The following ZMYND15 variants were observed in gnomAD, a reference collection of about 807,000 sequenced individuals.
ZMYND15 encodes zinc finger MYND domain-containing protein 15.
Under a neutral mutation model 81.7 loss-of-function variants are expected in ZMYND15, and 54 were observed. The ratio of observed to expected loss-of-function variants is 0.66; its 90% CI spans 0.53 to 0.83. The LOEUF is 0.83. ZMYND15 is among the 40% of genes least tolerant of loss of function. The pLI is 0.00. For synonymous variants in ZMYND15, 399 were observed against 387.0 expected (o/e 1.03, Z -0.36); for missense variants, 925 against 973.5 (o/e 0.95, Z 0.66).
At position 4,744,931 on chromosome 17, in the gene ZMYND15, G is replaced by A. The variant is rs375671517; in HGVS notation, c.1896+3G>A. The A allele has an allele frequency of 3.1e-6, 5 of 1,613,952 alleles. No individual in the cohort carries two copies. In the South Asian group the frequency reaches 3.3e-5, roughly 11 times the overall value. ...TGAGGTCTCTGCCCCGGTTACAGGT[G>A]GGCAATGGGGGCAAAAGGGAACTTC... is the stretch of plus-strand genomic sequence containing the variant. On this transcript the variant is annotated splice_donor_region_variant and intron_variant, in intron 12 of 13. Coordinates refer to ENST00000433935, the MANE Select transcript of ZMYND15 (RefSeq NM_001136046.3). The surrounding 1 kb of genome is among the most constrained non-coding windows in gnomAD (Gnocchi z 4.1).
In ZMYND15 at chr17:4,745,768, C is replaced by T. The variant is rs758667628; in HGVS notation, c.2058-51C>T. 3 of 1,499,852 alleles carry T rather than the reference C, an allele frequency of 2.0e-6. No homozygotes were observed. Among genetic ancestry groups the T allele is most frequent in the South Asian group, 2.5e-5 (2 of 80,478 alleles). 92.9% of individuals were successfully genotyped at this position (1,499,852 alleles called of 1,614,324 possible). ...GAGCCCCGACCCCTGGGAGCGCCGA[C>T]CCCTGGGAGTCCCGCCCCGTGGTCC... On this transcript the variant is annotated intron_variant, in intron 13 of 13. Coordinates refer to ENST00000433935, the MANE Select transcript of ZMYND15 (RefSeq NM_001136046.3). This position sits in a 1 kb window ranked among gnomAD's most constrained non-coding sequence, Gnocchi z 5.2.
chr17:4,743,254 T>C lies in ZMYND15; in HGVS notation c.1145-49T>C. ...ACTCTGTCTCAAAAAAAAAAAAATG[T>C]CTGGGGTTCTAGCCCAGCACCTCAA... On this transcript the variant is annotated intron_variant, in intron 5 of 13. Coordinates refer to ENST00000433935, the MANE Select transcript of ZMYND15 (RefSeq NM_001136046.3). The surrounding 1 kb of genome is among the most constrained non-coding windows in gnomAD (Gnocchi z 4.3). 1 of 1,553,854 alleles carries C rather than the reference T, an allele frequency of 6.4e-7. No individual in the cohort carries two copies. The highest frequency in any genetic ancestry group is 8.7e-7 in the Non-Finnish European group (1 of 1,151,974).
At chr17:4,742,590 A>C (rs1243201049) in intron 5 of ZMYND15, 99 bp downstream of exon 5, 64 of 1,478,514 alleles carry the variant, frequency 4.3e-5, no homozygotes, top group Non-Finnish European at 5.8e-5. Context: ...TTGAAGGCTG[A>C]GTGTCTGGGG....
In ZMYND15 at chr17:4,745,115, G is replaced by A. The variant is rs566846992; in HGVS notation, c.1897-100G>A. 14 of 1,594,506 alleles carry A rather than the reference G, an allele frequency of 8.8e-6. No homozygotes were observed. The Middle Eastern group carries it at 9.8e-4, about 112-fold the overall frequency. ...GTCCTCCCCCTGCTCCCCTCCGCCCGGTCTGTCCGGGGACCTCGGCTTTCA... is the reference window on the plus strand; with the variant it reads ...GTCCTCCCCCTGCTCCCCTCCGCCCAGTCTGTCCGGGGACCTCGGCTTTCA... On this transcript the variant is annotated intron_variant, in intron 12 of 13. Transcript: ENST00000433935. This position sits in a 1 kb window ranked among gnomAD's most constrained non-coding sequence, Gnocchi z 5.2.
Position 4,744,913 on chromosome 17 carries a change from TC to T in ZMYND15, c.1882del (p.Leu628CysfsTer22). The T allele has an allele frequency of 6.2e-7, 1 of 1,614,098 alleles. No individual in the cohort carries two copies. Among genetic ancestry groups the T allele is most frequent in the Non-Finnish European group, 8.5e-7 (1 of 1,179,998 alleles). Reference sequence around the variant, plus strand: ...CTCTCAAGGATACGTGGCTGAGGTCTCTGCCCCGGTTACAGGTGGGCAATGG... The same window carrying T: ...CTCTCAAGGATACGTGGCTGAGGTCTTGCCCCGGTTACAGGTGGGCAATGG... ...FALKDTWLRS[L>X]PRLQSLRVPA... On this transcript the variant is annotated frameshift_variant, in exon 12 of 14. Coordinates refer to ENST00000433935, the MANE Select transcript of ZMYND15 (RefSeq NM_001136046.3). LOFTEE classifies it high-confidence loss of function. This position sits in a 1 kb window ranked among gnomAD's most constrained non-coding sequence, Gnocchi z 4.1.
chr17:4,740,359 C>T (rs1916335115), intron 1 of ZMYND15, 160 bp from the exon 2 acceptor site: 1 of 1,248,032 alleles, frequency 8.0e-7, no homozygotes, highest in Non-Finnish European at 1.0e-6. Context: ...CCCTAAACTC[C>T]CATCCTCAGC....
At chr17:4,740,222 A>G in intron 1 of ZMYND15, 172 bp downstream of exon 1, 1 of 540,412 alleles carries the variant, frequency 1.9e-6, no homozygotes, top group Non-Finnish European at 2.5e-6. Context: ...TCTCCTCTCT[A>G]GCCTTAATTT....
chr17:4,740,726 C>A lies in ZMYND15; in HGVS notation c.178C>A (p.His60Asn), dbSNP rs1375022925. 1.2e-6 allele frequency: 2 copies of A among 1,611,672 alleles called. No individual in the cohort carries two copies. The highest frequency in any genetic ancestry group is 1.7e-6 in the Non-Finnish European group (2 of 1,178,486). ...CCAGGACCCTGCCCTTTGGGTGCTC[C>A]ATGTCCTGCCCAACCATAGTGTGGG... ...LPQDPALWVL[H>N]VLPNHSVGIS... is the part of the protein sequence containing the mutation. The change falls in exon 2 of 14, where the codon CAT becomes AAT. Residue 60 changes from histidine to asparagine, a missense_variant. Coordinates refer to ENST00000433935, the MANE Select transcript of ZMYND15 (RefSeq NM_001136046.3).
chr17:4,742,760 T>G (rs1916483373), intron 5 of ZMYND15, among the ~76,000 whole-genome samples: 1 of 152,134 alleles, frequency 6.6e-6, no homozygotes, highest in Non-Finnish European at 1.5e-5. Flanking sequence ...CACCACTAAC[T>G]GCAGTGTGAC....
In ZMYND15 at chr17:4,743,316, A is replaced by G. The variant is rs773662722; in HGVS notation, c.1158A>G (p.Glu386=). The change falls in exon 6 of 14, where the codon GAA becomes GAG. Residue 386 remains glutamate (E), a synonymous_variant. Transcript: ENST00000433935. The surrounding 1 kb of genome is among the most constrained non-coding windows in gnomAD (Gnocchi z 4.3). ...CTCCTTCTCCAGAGGTGACCAGTGA[A>G]ACCTTCAACAAAGAGGCCTTCCTGG... is the stretch of plus-strand genomic sequence containing the variant. ...PFTYTAEVTS[E]TFNKEAFLAS... 1.9e-6 allele frequency: 3 copies of G among 1,613,588 alleles called. No homozygotes were observed. Among genetic ancestry groups the G allele is most frequent in the Non-Finnish European group, 2.5e-6 (3 of 1,179,912 alleles).
rs1221498068 is a variant in ZMYND15, at chr17:4,740,702, C to T, written c.154C>T (p.Gln52Ter). 5.0e-6 allele frequency: 8 copies of T among 1,613,656 alleles called. No individual in the cohort carries two copies. The highest frequency in any genetic ancestry group is 5.9e-6 in the Non-Finnish European group (7 of 1,179,788). Residue 52 changes from glutamine (Q) to a stop codon, truncating the protein, a stop_gained, in exon 2 of 14, where the codon CAG becomes TAG. Transcript: ENST00000433935. LOFTEE classifies it high-confidence loss of function. ...GGAGGCCCAGATCAGAAGGCTACCC[C>T]AGGACCCTGCCCTTTGGGTGCTCCA... Reference protein sequence around the residue: ...QLEAQIRRLPQDPALWVLHVL... With the variant: ...QLEAQIRRLP
chr17:4,744,434 C>T lies in ZMYND15; in HGVS notation c.1650C>T (p.Pro550=), dbSNP rs751659829. ...AGTTTGTAGGTGATGGCCTGCCCCCCGAAAGCGACGAGCAGCATTTTACCC... is the reference window on the plus strand; with the variant it reads ...AGTTTGTAGGTGATGGCCTGCCCCCTGAAAGCGACGAGCAGCATTTTACCC... ...ELQFVGDGLP[P]ESDEQHFTLQ... The change falls in exon 10 of 14, where the codon CCC becomes CCT. Residue 550 remains proline, a synonymous_variant. Coordinates refer to ENST00000433935, the MANE Select transcript of ZMYND15 (RefSeq NM_001136046.3). The surrounding 1 kb of genome is among the most constrained non-coding windows in gnomAD (Gnocchi z 4.1). 17 of 1,613,980 alleles carry T rather than the reference C, an allele frequency of 1.1e-5. No homozygotes were observed. The highest frequency in any genetic ancestry group is 1.7e-5 in the Admixed American group (1 of 59,988).
chr17:4,744,062 C>T lies in ZMYND15; in HGVS notation c.1450C>T (p.Pro484Ser). The change falls in exon 8 of 14, where the codon CCG (proline) becomes TCG (serine). Residue 484 changes from proline to serine, a missense_variant. By Grantham distance (74) the Pro-to-Ser change is moderately conservative. Transcript: ENST00000433935. This position sits in a 1 kb window ranked among gnomAD's most constrained non-coding sequence, Gnocchi z 4.1. ...DSPIAVLLTY[P>S]LTVYYVITHL... is the part of the protein sequence containing the mutation. The stretch of plus-strand genomic sequence containing the variant: ...CCCCATAGCCGTGCTTCTCACCTAC[C>T]CGCTGACCGTGTACTACGTCATCAC... 1 of 1,559,950 alleles carries T rather than the reference C, an allele frequency of 6.4e-7. No homozygotes were observed. The highest frequency in any genetic ancestry group is 8.7e-7 in the Non-Finnish European group (1 of 1,151,290).
Position 4,743,398 on chromosome 17 carries a change from C to A in ZMYND15, c.1240C>A (p.Pro414Thr), listed in dbSNP as rs750289465. ...WTQLSMLIPG[P>T]GFSRHPRGNT... ...CCAGCTCAGCATGCTGATTCCAGGC[C>A]CGGGCTTCTCCAGACACCCCCGAGG... The change falls in exon 6 of 14, where the codon CCG becomes ACG. Residue 414 changes from proline to threonine, a missense_variant. Coordinates refer to ENST00000433935, the MANE Select transcript of ZMYND15 (RefSeq NM_001136046.3). This position sits in a 1 kb window ranked among gnomAD's most constrained non-coding sequence, Gnocchi z 4.3. The A allele has an allele frequency of 3.7e-6, 6 of 1,614,088 alleles. No homozygotes were observed. The Admixed American group carries it at 1.0e-4, about 27-fold the overall frequency.
At chr17:4,742,142 G>C (rs955247947) in intron 4 of ZMYND15, 72 bp downstream of exon 4, 2 of 1,591,666 alleles carry the variant, frequency 1.3e-6, no homozygotes, top group Non-Finnish European at 1.7e-6. Flanking sequence ...GTGGTGGGGG[G>C]CGCCTAGCAG....
At position 4,746,004 on chromosome 17, in the gene ZMYND15, A is replaced by G. The variant is rs1050100030; in HGVS notation, c.*14A>G. ...CGGCGGAAATGAATGCTGATACCCT[A>G]GTAGTCCCCAGCTCCCAAACACTGA... On this transcript the variant is annotated 3_prime_UTR_variant, in exon 14 of 14. Coordinates refer to ENST00000433935, the MANE Select transcript of ZMYND15 (RefSeq NM_001136046.3). 2 of 1,420,496 alleles carry G rather than the reference A, an allele frequency of 1.4e-6. No individual in the cohort carries two copies. The highest frequency in any genetic ancestry group is 2.9e-5 in the East Asian group (1 of 34,502). The allele number at this position is 1,420,496 out of a possible 1,614,324, so 88.0% of individuals were successfully genotyped here.
chr17:4,740,705 G>A lies in ZMYND15; in HGVS notation c.157G>A (p.Asp53Asn), dbSNP rs910053102. The A allele has an allele frequency of 1.2e-6, 2 of 1,613,498 alleles. No individual in the cohort carries two copies. The highest frequency in any genetic ancestry group is 2.7e-5 in the African/African-American group (2 of 74,912). ...GGCCCAGATCAGAAGGCTACCCCAG[G>A]ACCCTGCCCTTTGGGTGCTCCATGT... The part of the protein sequence containing the change: ...LEAQIRRLPQ[D>N]PALWVLHVLP... The change falls in exon 2 of 14, where the codon GAC becomes AAC. Residue 53 changes from aspartate (D) to asparagine (N), a missense_variant. Physicochemically the swap from Asp to Asn is conservative, Grantham distance 23 (BLOSUM62 1). Coordinates refer to ENST00000433935, the MANE Select transcript of ZMYND15 (RefSeq NM_001136046.3).
Position 4,745,021 on chromosome 17 carries a change from C to T in ZMYND15, c.1896+93C>T, listed in dbSNP as rs1916600143. 1 of 1,568,128 alleles carries T rather than the reference C, an allele frequency of 6.4e-7. No individual in the cohort carries two copies. The highest frequency in any genetic ancestry group is 8.8e-7 in the Non-Finnish European group (1 of 1,141,902). On this transcript the variant is annotated intron_variant, in intron 12 of 13. Coordinates refer to ENST00000433935, the MANE Select transcript of ZMYND15 (RefSeq NM_001136046.3). This position sits in a 1 kb window ranked among gnomAD's most constrained non-coding sequence, Gnocchi z 5.2. ...AAAGTCTCTGGGCTCTCCTCCTCTTCACCATCACCTGCTCCACAAACCTGG... is the reference window on the plus strand; with the variant it reads ...AAAGTCTCTGGGCTCTCCTCCTCTTTACCATCACCTGCTCCACAAACCTGG...
In ZMYND15 at chr17:4,745,048, G is replaced by A; in HGVS notation, c.1896+120G>A. 2 of 1,537,064 alleles carry A rather than the reference G, an allele frequency of 1.3e-6. No homozygotes were observed. The highest frequency in any genetic ancestry group is 8.9e-7 in the Non-Finnish European group (1 of 1,117,834). On this transcript the variant is annotated intron_variant, in intron 12 of 13. Transcript: ENST00000433935. The surrounding 1 kb of genome is among the most constrained non-coding windows in gnomAD (Gnocchi z 5.2). Reference sequence around the variant, plus strand: ...CCATCACCTGCTCCACAAACCTGGGGAGTGCCCACGGGTCCCCCTGCCTCT... The same window carrying A: ...CCATCACCTGCTCCACAAACCTGGGAAGTGCCCACGGGTCCCCCTGCCTCT...
Sources: gnomAD v4.1 joint callset for allele counts (sites outside exome capture counted in the v4.1 genomes callset) on GRCh38, gnomAD v4.1.1 for gene constraint, Gnocchi (gnomAD v3.1) non-coding constraint, MANE v1.5 for transcripts, NCBI Gene and HGNC (gene_info 2026-07-23, HGNC 2026-07-21) for gene names.